PDE1C: variants seen among roughly 807,000 people sequenced by gnomAD.
PDE1C encodes the protein phosphodiesterase 1C, also known as dual specificity calcium/calmodulin-dependent 3',5'-cyclic nucleotide phosphodiesterase 1C.
In PDE1C, 62 loss-of-function variants were observed where a neutral mutation model predicts 93.1. The observed-to-expected ratio is 0.67, with a 90% CI of 0.54 to 0.82. The LOEUF (loss-of-function observed/expected upper bound fraction) is 0.82, where lower values mean the gene tolerates loss of function less well. Ranked by LOEUF, PDE1C falls within the 40% of genes least tolerant of loss-of-function variation. The pLI, the probability that PDE1C is intolerant of heterozygous loss-of-function variation, is 0.00. For missense variants in PDE1C, 742 were observed against 884.6 expected, an observed-to-expected ratio of 0.84 and a Z score of 2.04; for synonymous variants, 325 against 310.1, an observed-to-expected ratio of 1.05 and a Z score of -0.50.
chr7:32,355,086 A>G (rs1369453670), intron 1 of PDE1C, among the ~76,000 whole-genome samples: 1 of 152,062 alleles, frequency 6.6e-6, no homozygotes, highest in Non-Finnish European at 1.5e-5. Flanking sequence ...CAACACCCCA[A>G]AGCTCTTAAA....
At chr7:32,063,315 T>C (rs893199867) in intron 1 of PDE1C, among the ~76,000 whole-genome samples, 1 of 152,242 alleles carries the variant, frequency 6.6e-6, no homozygotes, top group Non-Finnish European at 1.5e-5. Context: ...TTTCTTTTAG[T>C]TGTTTCTCAA....
intron 1 of PDE1C, among the ~76,000 whole-genome samples, chr7:32,417,417 C>A (rs1449931214): frequency 6.6e-6 from 1 of 152,100 alleles, no homozygotes; most frequent in Admixed American, 6.6e-5. Context: ...CTGTGCCCAG[C>A]ACCATGCTGA....
chr7:31,725,839 T>C, the PDE1C span, among the ~76,000 whole-genome samples: 2 of 152,340 alleles, frequency 1.3e-5, no homozygotes, highest in South Asian at 4.1e-4. Context: ...TTTTTTGGTT[T>C]GTTTGTTCTT....
chr7:31,694,000 G>A, the PDE1C span, among the ~76,000 whole-genome samples: 2 of 152,038 alleles, frequency 1.3e-5, no homozygotes, highest in South Asian at 2.1e-4. Flanking sequence ...GAATCCTAAC[G>A]GAATAGTTTC....
chr7:31,647,787 T>A, the PDE1C span, among the ~76,000 whole-genome samples: 3 of 151,964 alleles, frequency 2.0e-5, no homozygotes, highest in African/African-American at 7.3e-5. Context: ...GGTAAAGGAC[T>A]TGAAGACTCA....
intron 1 of PDE1C, among the ~76,000 whole-genome samples, chr7:32,260,121 A>G (rs1810093727): frequency 6.6e-6 from 1 of 152,066 alleles, no homozygotes. Context: ...ACCAGAGGAG[A>G]CTTCAGTGTT....
At chr7:32,180,792 T>C (rs1803344515) in intron 2 of PDE1C, among the ~76,000 whole-genome samples, 2 of 152,226 alleles carry the variant, frequency 1.3e-5, no homozygotes, top group African/African-American at 4.8e-5. Context: ...AAATGCTATG[T>C]GGAATTGTAA....
At chr7:31,947,283 T>C (rs1242655085) in intron 2 of PDE1C, among the ~76,000 whole-genome samples, 1 of 152,208 alleles carries the variant, frequency 6.6e-6, no homozygotes. Flanking sequence ...TCCACTTTAC[T>C]CAAAGTCTAC....
intron 1 of PDE1C, among the ~76,000 whole-genome samples, chr7:32,224,879 AG>A (rs1266603753): frequency 6.6e-6 from 1 of 152,098 alleles, no homozygotes; most frequent in Non-Finnish European, 1.5e-5. Flanking sequence ...TTACGTTAGA[AG>A]AAAAATAACC....
intron 5 of PDE1C, among the ~76,000 whole-genome samples, chr7:31,877,518 T>A (rs1314330512): frequency 6.6e-6 from 1 of 151,872 alleles, no homozygotes; most frequent in Non-Finnish European, 1.5e-5. Context: ...AAACATTAGC[T>A]CTGTCTCTAA....
intron 11 of PDE1C, among the ~76,000 whole-genome samples, chr7:31,832,219 C>T (rs1247827522): frequency 6.6e-6 from 1 of 152,066 alleles, no homozygotes; most frequent in Non-Finnish European, 1.5e-5. Flanking sequence ...ACTATAGACA[C>T]GGATTAAATT....
rs142551432 is a variant in PDE1C at position 31,760,402 on chromosome 7, G to A, written c.1961-6849C>T. ...TGAGAGCAATCAAGAGAGAACAGCC[G>A]CTAGTCCTCATCCACGCTTGGGTCT... On this transcript the variant is annotated intron_variant, in intron 17 of 17. Coordinates refer to ENST00000396191, the MANE Select transcript of PDE1C (RefSeq NM_001191057.4). 7.7e-4 allele frequency among the ~76,000 whole-genome samples: 117 copies of A among 152,198 alleles called. 2 individuals are homozygous for A. The East Asian group carries it at 0.02, about 26-fold the overall frequency.
intron 7 of PDE1C, chr7:31,851,042 C>A: frequency 3.2e-6 from 1 of 314,646 alleles, no homozygotes; most frequent in Non-Finnish European, 6.1e-6. Flanking sequence ...CCCCAACTTC[C>A]AAATAAAGTT....
chr7:31,787,669 C>G (rs756378688), intron 16 of PDE1C: 18 of 152,180 alleles, frequency 1.2e-4, no homozygotes, highest in African/African-American at 3.1e-4. Flanking sequence ...AGCCCTTGCT[C>G]TGTGTGTGTA....
chr7:31,793,989 CAGATAGATAGAT>C (rs60751029), intron 16 of PDE1C, among the ~76,000 whole-genome samples: 5,522 of 105,780 alleles, frequency 0.052, 145 homozygotes, highest in Middle Eastern at 0.068. Context: ...ATAGATAAAC[CAGATAGATAGAT>C]AGATAGATAG....
intron 17 of PDE1C, 54 bp from the exon 18 acceptor site, chr7:31,753,607 C>T (rs548260940): frequency 6.4e-7 from 1 of 1,561,714 alleles, no homozygotes; most frequent in South Asian, 1.2e-5. Context: ...CACGACATGC[C>T]ACAACCTAAA....
intron 1 of PDE1C, among the ~76,000 whole-genome samples, chr7:32,354,279 T>C (rs777924206): frequency 6.6e-6 from 1 of 152,182 alleles, no homozygotes; most frequent in Non-Finnish European, 1.5e-5. Context: ...TCAATCACAA[T>C]TGTTGGAATG....
At chr7:31,844,936 C>A (rs138920378) in intron 9 of PDE1C, among the ~76,000 whole-genome samples, 84 of 152,192 alleles carry the variant, frequency 5.5e-4, no homozygotes, top group African/African-American at 1.9e-3. Context: ...CTCTATCATG[C>A]ACTAAGCCTA....
intron 16 of PDE1C, chr7:31,790,352 G>A (rs1784442448): frequency 2.8e-6 from 3 of 1,068,754 alleles, no homozygotes; most frequent in South Asian, 2.7e-5. Context: ...GAAATCTAGG[G>A]GACCAAAAAA....
Sources: allele counts gnomAD v4.1 joint callset (sites outside exome capture counted in the v4.1 genomes callset), GRCh38; gene constraint gnomAD v4.1.1; transcripts MANE v1.5; gene names NCBI Gene and HGNC (gene_info 2026-07-23, HGNC 2026-07-21).